The following TMEM182 variants were observed in gnomAD, a reference collection of about 807,000 sequenced individuals.
TMEM182 encodes the protein transmembrane protein 182.
In TMEM182, 20 loss-of-function variants were observed where a neutral mutation model predicts 26.8. The ratio of observed to expected loss-of-function variants is 0.75; its 90% CI spans 0.53 to 1.09. The LOEUF is 1.09. Among genes scored for constraint, TMEM182 ranks in the 50% least tolerant of loss-of-function variants. The pLI is 0.00. For missense variants in TMEM182, 277 were observed against 275.5 expected, an observed-to-expected ratio of 1.01 and a Z score of -0.04; for synonymous variants, 109 against 102.2, an observed-to-expected ratio of 1.07 and a Z score of -0.40.
rs118025607 is a variant in TMEM182, at chr2:102,755,435, C to T, written c.-82-2954C>T. 2.4e-4 allele frequency among the ~76,000 whole-genome samples: 36 copies of T among 152,262 alleles called. No individual in the cohort carries two copies. In the East Asian group the frequency reaches 6.9e-3, roughly 29 times the overall value. On this transcript the variant is annotated intron_variant, in intron 1 of 5. Coordinates refer to the TMEM182 transcript ENST00000409173. ...TAGCACGTCACCGTTTGTATTTAGC[C>T]TCCGATCTTACCAGGTTCCAAAGTG...
At chr2:102,782,031 C>A (rs943256388) in intron 3 of TMEM182, among the ~76,000 whole-genome samples, 13 of 152,100 alleles carry the variant, frequency 8.5e-5, no homozygotes, top group Non-Finnish European at 1.9e-4. Flanking sequence ...ATTGGCCGGG[C>A]GTGGTGGCTC....
At chr2:102,839,979 G>A (rs192759599) in intron 3 of TMEM182, among the ~76,000 whole-genome samples, 6 of 152,302 alleles carry the variant, frequency 3.9e-5, no homozygotes, top group African/African-American at 1.2e-4. Flanking sequence ...GAATTGTTTT[G>A]AGAAAAAGCA....
At chr2:102,767,292 T>C (rs537874900) in intron 3 of TMEM182, among the ~76,000 whole-genome samples, 1 of 152,338 alleles carries the variant, frequency 6.6e-6, no homozygotes, top group South Asian at 2.1e-4. Context: ...TCAAATCTAG[T>C]TATTTGAATG....
chr2:102,752,401 C>A (rs1387544718), intron 1 of TMEM182, among the ~76,000 whole-genome samples: 1 of 152,162 alleles, frequency 6.6e-6, no homozygotes, highest in Non-Finnish European at 1.5e-5. Context: ...TTACCCCATA[C>A]CACATATGTA....
Position 102,769,105 on chromosome 2 carries a change from A to G in TMEM182, c.331+4678A>G, listed in dbSNP as rs553574094. On this transcript the variant is annotated intron_variant, in intron 3 of 4. Transcript: ENST00000412401. The stretch of plus-strand genomic sequence containing the variant: ...AAAGAGGAAGTGCTTCCAGAATTTA[A>G]CAGTCAGTTTCTGCCAATGTTTTAT... Among the ~76,000 whole-genome samples, 3 of 152,196 alleles carry G rather than the reference A, an allele frequency of 2.0e-5. No individual in the cohort carries two copies. The East Asian group carries it at 5.8e-4, about 30-fold the overall frequency.
chr2:102,820,740 T>A (rs1682901212), downstream of TMEM182, among the ~76,000 whole-genome samples: 1 of 152,148 alleles, frequency 6.6e-6, no homozygotes, highest in South Asian at 2.1e-4. Flanking sequence ...GCAGGGAGCT[T>A]TGTGATGAAG....
Position 102,823,988 on chromosome 2 carries a change from A to T in TMEM182, c.326-19424A>T, listed in dbSNP as rs573433302. ...ATTTTTGAGCCAGAAAAATGCTTTA[A>T]GATAAAAGGAAAGTGCAGCTTATGA... On this transcript the variant is annotated intron_variant, in intron 3 of 3. Coordinates refer to the TMEM182 transcript ENST00000486293. 2.0e-5 allele frequency among the ~76,000 whole-genome samples: 3 copies of T among 152,350 alleles called. No individual in the cohort carries two copies. The South Asian group carries it at 6.2e-4, about 32-fold the overall frequency.
intron 1 of TMEM182, 48 bp downstream of exon 1, chr2:102,762,397 AC>A: frequency 6.2e-7 from 1 of 1,609,344 alleles, no homozygotes; most frequent in Non-Finnish European, 8.5e-7. Context: ...TTATGAAGAT[AC>A]CCTTATGTAT....
chr2:102,747,881 C>T (rs1032382503), intron 1 of TMEM182, among the ~76,000 whole-genome samples: 4 of 152,240 alleles, frequency 2.6e-5, no homozygotes, highest in Non-Finnish European at 5.9e-5. Context: ...TTTGTCAGAA[C>T]AGGCTACCTC....
chr2:102,825,629 A>G (rs1013553175), intron 3 of TMEM182, among the ~76,000 whole-genome samples: 19 of 152,224 alleles, frequency 1.2e-4, no homozygotes, highest in Non-Finnish European at 1.5e-5. Flanking sequence ...TCCACCCAAC[A>G]TTATTGTGAG....
intron 1 of TMEM182, among the ~76,000 whole-genome samples, chr2:102,747,693 G>A (rs1573485389): frequency 6.6e-6 from 1 of 152,324 alleles, no homozygotes; most frequent in East Asian, 1.9e-4. Context: ...AAATGAGAGA[G>A]AGCTAGATAG....
At position 102,816,966 on chromosome 2, in the gene TMEM182, T is replaced by A. The variant is rs1217925015; in HGVS notation, c.*1998T>A. 2 of 985,714 alleles carry A rather than the reference T, an allele frequency of 2.0e-6. No individual in the cohort carries two copies. Among genetic ancestry groups the A allele is most frequent in the Non-Finnish European group, 2.4e-6 (2 of 829,892 alleles). 61.1% of individuals were successfully genotyped at this position (985,714 alleles called of 1,614,324 possible). On this transcript the variant is annotated 3_prime_UTR_variant, in exon 5 of 5. Coordinates refer to ENST00000412401, the MANE Select transcript of TMEM182 (RefSeq NM_144632.5). ...TTAAGTGGCTACCATATATTTTTTA[T>A]ATGACAATTGGCTGAATAGCTGATG... is the stretch of plus-strand genomic sequence containing the variant.
In TMEM182 at chr2:102,762,075, C is replaced by T. The variant is rs1253159987; in HGVS notation, c.-143C>T. 5.7e-6 allele frequency: 4 copies of T among 696,260 alleles called. No homozygotes were observed. The highest frequency in any genetic ancestry group is 9.1e-6 in the Non-Finnish European group (4 of 438,562). The allele number at this position is 696,260 out of a possible 1,614,324, so 43.1% of individuals were successfully genotyped here. On this transcript the variant is annotated 5_prime_UTR_variant, in exon 1 of 5. Transcript: ENST00000412401. The stretch of plus-strand genomic sequence containing the variant: ...GAGCGAGAAGCCACCAAAACATGAG[C>T]TAGGACAGCCTTCTCAAGAAGATTC...
intron 4 of TMEM182, among the ~76,000 whole-genome samples, chr2:102,812,931 A>G (rs1252883961): frequency 6.6e-6 from 1 of 152,214 alleles, no homozygotes; most frequent in Non-Finnish European, 1.5e-5. Flanking sequence ...CAGAGTTGCT[A>G]GACAACACAT....
chr2:102,813,067 C>A (rs984843526), intron 4 of TMEM182, among the ~76,000 whole-genome samples: 2 of 152,060 alleles, frequency 1.3e-5, no homozygotes, highest in Admixed American at 1.3e-4. Flanking sequence ...ACTCTGTGAG[C>A]CAATATTTGC....
chr2:102,742,867 T>TA (rs1187346546), intron 1 of TMEM182, among the ~76,000 whole-genome samples: 4 of 151,744 alleles, frequency 2.6e-5, no homozygotes, highest in Non-Finnish European at 4.4e-5. Context: ...TTTCTCAGGT[T>TA]AAAAAAAAGC....
intron 3 of TMEM182, among the ~76,000 whole-genome samples, chr2:102,828,990 G>A (rs1276803701): frequency 6.6e-6 from 1 of 152,194 alleles, no homozygotes; most frequent in Non-Finnish European, 1.5e-5. Context: ...CCCGTTTATG[G>A]TTATTTAGAA....
intron 3 of TMEM182, chr2:102,834,454 G>T (rs544866918): frequency 1.4e-5 from 14 of 985,008 alleles, no homozygotes; most frequent in Non-Finnish European, 1.7e-5. Context: ...ATGTAAAAAC[G>T]TCTGCCAGTG....
intron 1 of TMEM182, among the ~76,000 whole-genome samples, chr2:102,754,076 T>C (rs1158136347): frequency 6.6e-6 from 1 of 152,120 alleles, no homozygotes; most frequent in Non-Finnish European, 1.5e-5. Flanking sequence ...CACAGAGACA[T>C]GCGGCTCATA....
Sources: allele counts gnomAD v4.1 joint callset (sites outside exome capture counted in the v4.1 genomes callset), GRCh38; gene constraint gnomAD v4.1.1; transcripts MANE v1.5; gene names NCBI Gene and HGNC (gene_info 2026-07-23, HGNC 2026-07-21).